Variants in EPB41L4A observed in about 807,000 individuals in gnomAD.
EPB41L4A encodes band 4.1-like protein 4A.
In EPB41L4A, 100 loss-of-function variants were observed where a neutral mutation model predicts 108.6. That is an observed-to-expected ratio of 0.92 (90% CI 0.78 to 1.09). The LOEUF is 1.09. Ranked by LOEUF, EPB41L4A falls within the 50% of genes least tolerant of loss-of-function variation. EPB41L4A has a pLI of 0.00. For missense variants in EPB41L4A, 1,030 were observed against 842.7 expected (o/e 1.22, Z -2.75); for synonymous variants, 319 against 289.0 (o/e 1.10, Z -1.05).
At chr5:112,356,252 C>T (rs1758352098) in intron 1 of EPB41L4A, among the ~76,000 whole-genome samples, 2 of 152,076 alleles carry the variant, frequency 1.3e-5, no homozygotes, top group African/African-American at 4.8e-5. Flanking sequence ...CCCTCCCTAC[C>T]ACAACAGAAA....
intron 1 of EPB41L4A, among the ~76,000 whole-genome samples, chr5:112,376,678 T>C (rs1034672837): frequency 6.6e-6 from 1 of 152,136 alleles, no homozygotes; most frequent in Non-Finnish European, 1.5e-5. Context: ...ATCCATACCA[T>C]GGAACATTAC....
intron 1 of EPB41L4A, 101 bp downstream of exon 1, chr5:112,418,840 G>C (rs142622782): frequency 0.014 from 12,010 of 848,786 alleles, 168 homozygotes; most frequent in South Asian, 0.037. Flanking sequence ...GCGCAGAGTC[G>C]CGGCCGCCGC....
intron 1 of EPB41L4A, among the ~76,000 whole-genome samples, chr5:112,418,160 G>A (rs748313966): frequency 6.6e-6 from 1 of 152,222 alleles, no homozygotes; most frequent in East Asian, 1.9e-4. Flanking sequence ...TCCGGATTTA[G>A]ATCTCCTTTA....
intron 1 of EPB41L4A, among the ~76,000 whole-genome samples, chr5:112,335,628 T>G (rs1756868944): frequency 6.6e-6 from 1 of 152,184 alleles, no homozygotes; most frequent in East Asian, 1.9e-4. Flanking sequence ...CCACAGTCAT[T>G]GCCTGATAGG....
intron 9 of EPB41L4A, 97 bp downstream of exon 9, chr5:112,259,132 C>A: frequency 1.1e-6 from 1 of 915,760 alleles, no homozygotes. Flanking sequence ...CATGTGGAAG[C>A]AGCTGAAGAA....
chr5:112,161,289 C>T, downstream of EPB41L4A: 1 of 343,792 alleles, frequency 2.9e-6, no homozygotes, highest in Non-Finnish European at 5.8e-6. Flanking sequence ...GATCACCTAC[C>T]CTACAGGTGA....
intron 1 of EPB41L4A, among the ~76,000 whole-genome samples, chr5:112,394,320 T>G (rs1052292825): frequency 2.0e-5 from 3 of 152,208 alleles, no homozygotes; most frequent in Non-Finnish European, 4.4e-5. Context: ...GCAGATGACA[T>G]GATTGTATAT....
rs1750248339 is a variant in EPB41L4A, at chr5:112,246,632, G to T, written c.796-5822C>A. On this transcript the variant is annotated intron_variant, in intron 9 of 22. Coordinates refer to ENST00000261486, the MANE Select transcript of EPB41L4A (RefSeq NM_022140.5). ...AGTGAGCTGTTAAAACTTTACCATG[G>T]CAATGCAAACTGATAGCTTTATCTT... Among the ~76,000 whole-genome samples, 4 of 152,034 alleles carry T rather than the reference G, an allele frequency of 2.6e-5. No individual in the cohort carries two copies. In the South Asian group the frequency reaches 8.3e-4, roughly 32 times the overall value.
chr5:112,296,600 T>TTATAATTTTTTTTTTATAGGTTTTTAA (rs1428761119), intron 2 of EPB41L4A, among the ~76,000 whole-genome samples: 1 of 152,198 alleles, frequency 6.6e-6, no homozygotes, highest in Non-Finnish European at 1.5e-5. Context: ...ACTTATATTT[T>TTATAATTTTTTTTTTATAGGTTTTTAA]ATGTTTAATA....
chr5:112,149,389 G>A (rs375555684), intron 12 of EPB41L4A, among the ~76,000 whole-genome samples: 2 of 152,188 alleles, frequency 1.3e-5, no homozygotes, highest in East Asian at 1.9e-4. Flanking sequence ...GGAGAATCGC[G>A]TGAACCTGGG....
intron 1 of EPB41L4A, among the ~76,000 whole-genome samples, chr5:112,319,971 A>T (rs1242610969): frequency 6.6e-6 from 1 of 152,226 alleles, no homozygotes; most frequent in African/African-American, 2.4e-5. Context: ...AAATCATCAT[A>T]AAGCCTATGT....
chr5:112,360,878 C>T (rs913595509), intron 1 of EPB41L4A, among the ~76,000 whole-genome samples: 4 of 152,044 alleles, frequency 2.6e-5, no homozygotes, highest in African/African-American at 7.2e-5. Context: ...CGCCTCTGCC[C>T]TGCCTCGACC....
At chr5:112,396,224 T>G (rs192252633) in intron 1 of EPB41L4A, among the ~76,000 whole-genome samples, 1 of 152,078 alleles carries the variant, frequency 6.6e-6, no homozygotes, top group South Asian at 2.1e-4. Context: ...GTTGTGCACA[T>G]GTACCCAAGA....
At chr5:112,180,655 A>AC (rs1267297760) in intron 18 of EPB41L4A, among the ~76,000 whole-genome samples, 3 of 97,180 alleles carry the variant, frequency 3.1e-5, no homozygotes, top group Non-Finnish European at 6.8e-5. Flanking sequence ...ACCCCTTAAG[A>AC]TTAAAAAAAA....
intron 1 of EPB41L4A, among the ~76,000 whole-genome samples, chr5:112,347,684 T>C (rs527750111): frequency 1.2e-4 from 18 of 152,332 alleles, no homozygotes; most frequent in Middle Eastern, 3.4e-3. Context: ...TAGAACATAA[T>C]TGAATATTTG....
intron 1 of EPB41L4A, among the ~76,000 whole-genome samples, chr5:112,394,356 A>T (rs994722234): frequency 2.6e-5 from 4 of 152,336 alleles, no homozygotes; most frequent in African/African-American, 9.6e-5. Flanking sequence ...ATCTCGGCCC[A>T]AAATCTCCTC....
At chr5:112,214,085 T>C (rs1747435583) in intron 12 of EPB41L4A, among the ~76,000 whole-genome samples, 2 of 152,342 alleles carry the variant, frequency 1.3e-5, no homozygotes, top group East Asian at 1.9e-4. Flanking sequence ...TTTGTTAACA[T>C]GGACCACTAA....
rs979324942 is a variant in EPB41L4A, at chr5:112,228,701, C to A, written c.1087+5933G>T. On this transcript the variant is annotated intron_variant, in intron 12 of 22. Transcript: ENST00000261486. ...GAGACGATCTCCTTTGACAGGAATC[C>A]AACTGTGTGAGTTGCCAAGAACTTG... The A allele has an allele frequency of 4.1e-6, 4 of 985,212 alleles. No individual in the cohort carries two copies. In the African/African-American group the frequency reaches 7.0e-5, roughly 17 times the overall value. 61.0% of individuals were successfully genotyped at this position (985,212 alleles called of 1,614,324 possible). A position where few individuals can be genotyped will look rare whatever the true frequency, so the allele number is the denominator to read the frequency against.
intron 1 of EPB41L4A, 22 bp downstream of exon 1, chr5:112,418,919 A>ACG (rs1762891904): frequency 1.3e-6 from 2 of 1,593,778 alleles, no homozygotes; most frequent in South Asian, 1.1e-5. Flanking sequence ...AACCCCCGGA[A>ACG]CGCGCTCCGG....
Sources: allele counts gnomAD v4.1 joint callset (sites outside exome capture counted in the v4.1 genomes callset), GRCh38; gene constraint gnomAD v4.1.1; transcripts MANE v1.5; gene names NCBI Gene and HGNC (gene_info 2026-07-23, HGNC 2026-07-21).